CACNA1A: variants seen among roughly 807,000 people sequenced by gnomAD.
The protein encoded by CACNA1A is voltage-dependent P/Q-type calcium channel subunit alpha-1A.
CACNA1A carries 57 observed loss-of-function variants against 262.4 expected under a neutral mutation model. The observed-to-expected ratio is 0.22, with a 90% CI of 0.18 to 0.27. The LOEUF (loss-of-function observed/expected upper bound fraction) is 0.27, where lower values mean the gene tolerates loss of function less well. Among genes scored for constraint, CACNA1A ranks in the 10% least tolerant of loss-of-function variants. CACNA1A has a pLI of 1.00. For synonymous variants in CACNA1A, 1,431 were observed against 1,419.3 expected (o/e 1.01, Z -0.18); for missense variants, 2,526 against 3,562.8 (o/e 0.71, Z 7.41).
intron 3 of CACNA1A, among the ~76,000 whole-genome samples, chr19:13,433,460 C>CACAAAAAAA (rs2060554500): frequency 1.3e-5 from 1 of 76,230 alleles, no homozygotes; most frequent in Non-Finnish European, 2.4e-5. Flanking sequence ...GACGCTGTCT[C>CACAAAAAAA]AAAAAAAAAA....
At chr19:13,285,808 A>G (rs2057384536) in intron 20 of CACNA1A, among the ~76,000 whole-genome samples, 1 of 152,010 alleles carries the variant, frequency 6.6e-6, no homozygotes. Context: ...CAGTCCCTAC[A>G]TCTATAAAAT....
intron 3 of CACNA1A, among the ~76,000 whole-genome samples, chr19:13,386,418 G>A (rs1251157922): frequency 6.6e-6 from 1 of 152,168 alleles, no homozygotes; most frequent in African/African-American, 2.4e-5. Context: ...GTAAGAGACA[G>A]CCCTTCCTCT....
At chr19:13,355,657 A>C (rs1287523524) in intron 6 of CACNA1A, among the ~76,000 whole-genome samples, 1 of 152,078 alleles carries the variant, frequency 6.6e-6, no homozygotes, top group African/African-American at 2.4e-5. Flanking sequence ...TTGTCCATGC[A>C]GGCCAGGTGA....
intron 38 of CACNA1A, among the ~76,000 whole-genome samples, chr19:13,224,073 A>G (rs1485077469): frequency 6.6e-6 from 1 of 152,054 alleles, no homozygotes; most frequent in African/African-American, 2.4e-5. Context: ...AGGTCGAGGC[A>G]GGTGGATCAC....
intron 3 of CACNA1A, among the ~76,000 whole-genome samples, chr19:13,400,915 C>T (rs1339304809): frequency 4.6e-5 from 7 of 152,184 alleles, no homozygotes; most frequent in Non-Finnish European, 1.0e-4. Context: ...ACCTCCACCT[C>T]CCAGGTTCAA....
intron 37 of CACNA1A, chr19:13,225,967 C>G (rs1399480509): frequency 6.6e-6 from 1 of 152,090 alleles, no homozygotes; most frequent in Non-Finnish European, 1.5e-5. Flanking sequence ...ACTAGGATTA[C>G]AGGCATGAGC....
At chr19:13,269,401 C>T (rs2056958518) in intron 24 of CACNA1A, among the ~76,000 whole-genome samples, 1 of 152,208 alleles carries the variant, frequency 6.6e-6, no homozygotes, top group Admixed American at 6.5e-5. Context: ...GTATCTCGCA[C>T]TCTAATCTTC....
chr19:13,351,224 T>C (rs1183591860), intron 6 of CACNA1A, among the ~76,000 whole-genome samples: 1 of 152,214 alleles, frequency 6.6e-6, no homozygotes, highest in Non-Finnish European at 1.5e-5. Context: ...AGTCTCCACC[T>C]CCTGGGGCAG....
intron 3 of CACNA1A, among the ~76,000 whole-genome samples, chr19:13,410,533 C>CTT: frequency 7.4e-6 from 1 of 134,388 alleles, no homozygotes; most frequent in Non-Finnish European, 1.5e-5. Flanking sequence ...TTTCTTTATT[C>CTT]TTTTTTCTTT....
At chr19:13,428,833 T>C (rs184385538) in intron 3 of CACNA1A, among the ~76,000 whole-genome samples, 12 of 152,236 alleles carry the variant, frequency 7.9e-5, no homozygotes, top group Admixed American at 7.9e-4. Context: ...TCTTTGCTTC[T>C]ACCATATGTT....
intron 26 of CACNA1A, 69 bp from the exon 27 acceptor site, chr19:13,259,770 C>G (rs1384631131): frequency 3.2e-6 from 5 of 1,555,444 alleles, no homozygotes; most frequent in Non-Finnish European, 2.6e-6. Context: ...CTTTGGTTAT[C>G]AGAGACAGGG....
At chr19:13,405,174 G>A (rs1461111681) in intron 3 of CACNA1A, among the ~76,000 whole-genome samples, 1 of 151,434 alleles carries the variant, frequency 6.6e-6, no homozygotes, top group Non-Finnish European at 1.5e-5. Flanking sequence ...GGGATTACAG[G>A]TATGAGCCAG....
At chr19:13,504,835 T>C (rs1982825372) in intron 1 of CACNA1A, among the ~76,000 whole-genome samples, 1 of 152,154 alleles carries the variant, frequency 6.6e-6, no homozygotes, top group Non-Finnish European at 1.5e-5. Context: ...TACATCTCGA[T>C]AGATGTTAAG....
intron 3 of CACNA1A, among the ~76,000 whole-genome samples, chr19:13,406,107 G>A (rs989809393): frequency 6.6e-6 from 1 of 151,928 alleles, no homozygotes; most frequent in Admixed American, 6.6e-5. Flanking sequence ...CTTGAGGCCA[G>A]GAGTTTAAGA....
At position 13,311,952 on chromosome 19, in the gene CACNA1A, TTA is replaced by T. The variant is rs200787667; in HGVS notation, c.1668+715_1668+716del. Among the ~76,000 whole-genome samples, 519 of 152,350 alleles carry T rather than the reference TTA, an allele frequency of 3.4e-3. 1 individual carries two copies. The highest frequency in any genetic ancestry group is 0.012 in the African/African-American group (494 of 41,576). On this transcript the variant is annotated intron_variant, in intron 12 of 46. Transcript: ENST00000360228. ...CTGCCCTGGGCCAGGCATTCTCCAC[TTA>T]TTTGCGAACAACCTTAATTTCACTT...
At chr19:13,261,229 GTCAA>G (rs1242716284) in intron 26 of CACNA1A, 13 of 482,928 alleles carry the variant, frequency 2.7e-5, no homozygotes, top group Admixed American at 2.2e-4. Context: ...TGGCTGAAAG[GTCAA>G]TCAATTTGCT....
intron 28 of CACNA1A, among the ~76,000 whole-genome samples, chr19:13,255,725 C>CCT (rs1568466356): frequency 5.4e-5 from 2 of 36,962 alleles, no homozygotes; most frequent in African/African-American, 1.6e-4. Context: ...CCCTCCTTCT[C>CCT]TCCCTCCCTC....
intron 3 of CACNA1A, among the ~76,000 whole-genome samples, chr19:13,410,261 C>T (rs535131547): frequency 1.3e-5 from 2 of 151,668 alleles, no homozygotes; most frequent in Non-Finnish European, 2.9e-5. Context: ...GGGTCTTGCT[C>T]TGTTGTCCAG....
Position 13,241,662 on chromosome 19 carries a change from GT to G in CACNA1A, c.4950+3519del. ...TTCGGTTCCCGGGCGGGGAGTGGGGGTGGTGGTGGCGGTGGGTTGGGAGATA... is the reference window on the plus strand; with the variant it reads ...TTCGGTTCCCGGGCGGGGAGTGGGGGGGTGGTGGCGGTGGGTTGGGAGATA... On this transcript the variant is annotated intron_variant, in intron 31 of 46. Coordinates refer to ENST00000360228, the MANE Select transcript of CACNA1A (RefSeq NM_001127222.2). This position sits in a 1 kb window ranked among gnomAD's most constrained non-coding sequence, Gnocchi z 4.0. The G allele has an allele frequency of 1.5e-6, 1 of 659,272 alleles. No individual in the cohort carries two copies. Among genetic ancestry groups the G allele is most frequent in the Non-Finnish European group, 2.8e-6 (1 of 360,920 alleles). The allele number at this position is 659,272 out of a possible 1,614,324, so 40.8% of individuals were successfully genotyped here. A position where few individuals can be genotyped will look rare whatever the true frequency, so the allele number is the denominator to read the frequency against.
Sources: allele counts gnomAD v4.1 joint callset (sites outside exome capture counted in the v4.1 genomes callset), GRCh38; gene constraint gnomAD v4.1.1; non-coding constraint Gnocchi (gnomAD v3.1); transcripts MANE v1.5; gene names NCBI Gene and HGNC (gene_info 2026-07-23, HGNC 2026-07-21).